The following CFAP61 variants were observed in gnomAD, a reference collection of about 807,000 sequenced individuals.
The protein encoded by CFAP61 is cilia- and flagella-associated protein 61.
In CFAP61, 107 loss-of-function variants were observed where a neutral mutation model predicts 135.6. The ratio of observed to expected loss-of-function variants is 0.79; its 90% CI spans 0.67 to 0.93. The LOEUF (loss-of-function observed/expected upper bound fraction) is 0.93, where lower values mean the gene tolerates loss of function less well. Ranked by LOEUF, CFAP61 falls within the 40% of genes least tolerant of loss-of-function variation. The pLI is 0.00. For missense variants in CFAP61, 1,507 were observed against 1,556.2 expected, an observed-to-expected ratio of 0.97 and a Z score of 0.53; for synonymous variants, 575 against 578.5, an observed-to-expected ratio of 0.99 and a Z score of 0.09.
chr20:20,092,707 G>T (rs1223743899), intron 7 of CFAP61, among the ~76,000 whole-genome samples: 2 of 151,862 alleles, frequency 1.3e-5, no homozygotes, highest in East Asian at 3.9e-4. Context: ...ATAAATAAAA[G>T]ATACAACTGG....
In CFAP61 at chr20:20,200,553, A is replaced by G. The variant is rs1033149616; in HGVS notation, c.1932+651A>G. 6 of 257,934 alleles carry G rather than the reference A, an allele frequency of 2.3e-5. No individual in the cohort carries two copies. In the Middle Eastern group the frequency reaches 5.7e-3, roughly 246 times the overall value. The allele number at this position is 257,934 out of a possible 1,614,324, so 16.0% of individuals were successfully genotyped here. A position where few individuals can be genotyped will look rare whatever the true frequency, so the allele number is the denominator to read the frequency against. Reference sequence around the variant, plus strand: ...TGTATACATACACACAGTTTTTTCAATAACTTAATTGGAAAACATAATTTT... The same window carrying G: ...TGTATACATACACACAGTTTTTTCAGTAACTTAATTGGAAAACATAATTTT... On this transcript the variant is annotated intron_variant, in intron 17 of 26. Transcript: ENST00000245957.
At chr20:20,159,532 C>T in intron 10 of CFAP61, 88 bp downstream of exon 10, 2 of 1,152,512 alleles carry the variant, frequency 1.7e-6, no homozygotes, top group Non-Finnish European at 2.6e-6. Flanking sequence ...GCCCTTTCCT[C>T]CTCCCAATCT....
intron 6 of CFAP61, among the ~76,000 whole-genome samples, chr20:20,082,550 C>A (rs2046504858): frequency 6.6e-6 from 1 of 152,222 alleles, no homozygotes; most frequent in Non-Finnish European, 1.5e-5. Flanking sequence ...AAACTACTGG[C>A]ATGCTCTTTT....
intron 6 of CFAP61, among the ~76,000 whole-genome samples, chr20:20,087,621 ACT>A (rs2046898374): frequency 6.6e-6 from 1 of 150,398 alleles, no homozygotes; most frequent in African/African-American, 2.5e-5. Flanking sequence ...GTAGTAAGAA[ACT>A]CTCTTATTCC....
At chr20:20,059,326 C>CAAAAAAAAAAAAAA (rs11458923) in intron 2 of CFAP61, among the ~76,000 whole-genome samples, 1 of 45,484 alleles carries the variant, frequency 2.2e-5, no homozygotes. Context: ...GACTCTGTCT[C>CAAAAAAAAAAAAAA]AAAAAAAAAA....
intron 18 of CFAP61, among the ~76,000 whole-genome samples, chr20:20,245,362 G>T (rs1302821097): frequency 2.6e-5 from 4 of 152,198 alleles, no homozygotes; most frequent in Non-Finnish European, 5.9e-5. Flanking sequence ...CACAATCATG[G>T]TGGAAGGCAA....
intron 13 of CFAP61, among the ~76,000 whole-genome samples, chr20:20,170,405 A>G (rs1186228553): frequency 3.7e-5 from 1 of 26,810 alleles, no homozygotes; most frequent in Non-Finnish European, 1.3e-4. Context: ...TTAATGAATC[A>G]ATAAAAAAAA....
At chr20:20,127,612 C>T (rs1454614095) in intron 8 of CFAP61, among the ~76,000 whole-genome samples, 3 of 131,716 alleles carry the variant, frequency 2.3e-5, no homozygotes, top group East Asian at 2.6e-4. Flanking sequence ...GTGCCTGTTC[C>T]GGTGGAGGTG....
intron 13 of CFAP61, among the ~76,000 whole-genome samples, chr20:20,177,500 C>T (rs933366233): frequency 9.0e-5 from 13 of 143,896 alleles, no homozygotes; most frequent in Admixed American, 6.5e-4. Flanking sequence ...CACTGGGTTC[C>T]GGGGTGCAGG....
intron 13 of CFAP61, among the ~76,000 whole-genome samples, chr20:20,177,738 T>C (rs566110364): frequency 6.6e-6 from 1 of 150,776 alleles, no homozygotes; most frequent in African/African-American, 2.4e-5. Context: ...GCACAGTATA[T>C]AGGCACTAAG....
chr20:20,228,508 GATGAATC>G, intron 18 of CFAP61, 132 bp downstream of exon 18: 1 of 692,174 alleles, frequency 1.4e-6, no homozygotes, highest in Non-Finnish European at 2.4e-6. Flanking sequence ...TATGTGGATG[GATGAATC>G]AGTAGAAGAA....
At chr20:20,313,954 C>T (rs549576396) in intron 25 of CFAP61, among the ~76,000 whole-genome samples, 1 of 152,252 alleles carries the variant, frequency 6.6e-6, no homozygotes, top group Non-Finnish European at 1.5e-5. Flanking sequence ...CCCGTGAGAA[C>T]CAATTCAGTT....
intron 3 of CFAP61, 104 bp from the exon 4 acceptor site, chr20:20,074,198 G>T (rs1431785029): frequency 6.9e-6 from 6 of 865,616 alleles, no homozygotes; most frequent in Non-Finnish European, 9.9e-6. Context: ...TAAATGCCAG[G>T]CTGTTCTGTG....
intron 19 of CFAP61, among the ~76,000 whole-genome samples, chr20:20,247,658 A>G (rs956892476): frequency 1.3e-5 from 2 of 152,216 alleles, no homozygotes; most frequent in Non-Finnish European, 2.9e-5. Context: ...TCATCATCGT[A>G]GAACGTGCTG....
chr20:20,241,438 C>T (rs559494895), intron 18 of CFAP61, among the ~76,000 whole-genome samples: 1 of 152,108 alleles, frequency 6.6e-6, no homozygotes, highest in Non-Finnish European at 1.5e-5. Context: ...CCTCTATCCC[C>T]CAAAAAATCT....
chr20:20,326,201 T>C (rs888920469), intron 25 of CFAP61, among the ~76,000 whole-genome samples: 2 of 152,252 alleles, frequency 1.3e-5, no homozygotes, highest in African/African-American at 4.8e-5. Flanking sequence ...TTTTAAGAGC[T>C]CTTTGTGTAT....
intron 18 of CFAP61, among the ~76,000 whole-genome samples, chr20:20,235,813 C>T (rs2049544924): frequency 3.3e-5 from 5 of 152,174 alleles, no homozygotes; most frequent in Admixed American, 3.3e-4. Flanking sequence ...CGCCTGAAAA[C>T]ACAGGCATGA....
At chr20:20,130,699 G>A (rs1008225091) in intron 8 of CFAP61, among the ~76,000 whole-genome samples, 1 of 151,756 alleles carries the variant, frequency 6.6e-6, no homozygotes, top group Non-Finnish European at 1.5e-5. Flanking sequence ...AATGGAGGAG[G>A]TCCCAAAGGG....
intron 22 of CFAP61, among the ~76,000 whole-genome samples, chr20:20,287,113 G>A (rs981383346): frequency 1.3e-5 from 2 of 151,196 alleles, no homozygotes; most frequent in Non-Finnish European, 3.0e-5. Context: ...AGTGTAGGGA[G>A]ACAGAAAGAT....
Sources: gnomAD v4.1 joint callset for allele counts (sites outside exome capture counted in the v4.1 genomes callset) on GRCh38, gnomAD v4.1.1 for gene constraint, MANE v1.5 for transcripts, NCBI Gene and HGNC (gene_info 2026-07-23, HGNC 2026-07-21) for gene names.